The following TJP1 variants were observed in gnomAD, a reference collection of about 807,000 sequenced individuals.
TJP1 encodes tight junction protein ZO-1.
Under a neutral mutation model 194.2 loss-of-function variants are expected in TJP1, and 43 were observed. The ratio of observed to expected loss-of-function variants is 0.22; its 90% CI spans 0.17 to 0.29. The LOEUF (loss-of-function observed/expected upper bound fraction) is 0.29, where lower values mean the gene tolerates loss of function less well. Among genes scored for constraint, TJP1 ranks in the 10% least tolerant of loss-of-function variants. The pLI is 1.00. For missense variants in TJP1, 1,971 were observed against 2,185.7 expected (o/e 0.90, Z 1.96); for synonymous variants, 801 against 779.0 (o/e 1.03, Z -0.47).
At chr15:29,758,837 A>C (rs954251724) in intron 8 of TJP1, 1 of 152,212 alleles carries the variant, frequency 6.6e-6, no homozygotes, top group Non-Finnish European at 1.5e-5. Flanking sequence ...TACACGTAAC[A>C]TGCCATAATA....
intron 8 of TJP1, among the ~76,000 whole-genome samples, chr15:29,746,789 T>TA (rs945369931): frequency 2.6e-5 from 4 of 152,096 alleles, no homozygotes; most frequent in African/African-American, 4.8e-5. Context: ...CCTGAAGGAA[T>TA]AAAAAATAAG....
chr15:29,950,057 T>A (rs201584857), intron 2 of TJP1, among the ~76,000 whole-genome samples: 42 of 12,352 alleles, frequency 3.4e-3, no homozygotes, highest in Non-Finnish European at 4.4e-3. Flanking sequence ...CACCACCACC[T>A]CCACCACCAC....
intron 2 of TJP1, 162 bp downstream of exon 2, chr15:29,800,484 T>C: frequency 4.6e-6 from 3 of 646,946 alleles, no homozygotes; most frequent in South Asian, 4.0e-5. Context: ...TGCTCACTTT[T>C]GACCTTAATA....
chr15:29,815,669 A>G (rs2049860556), intron 1 of TJP1, among the ~76,000 whole-genome samples: 1 of 152,226 alleles, frequency 6.6e-6, no homozygotes, highest in Admixed American at 6.5e-5. Flanking sequence ...GTGAATTTTT[A>G]TCATATCAGG....
chr15:29,910,609 T>C (rs2053981711), intron 2 of TJP1, among the ~76,000 whole-genome samples: 1 of 152,260 alleles, frequency 6.6e-6, no homozygotes, highest in Admixed American at 6.5e-5. Context: ...AAGTTGAAAG[T>C]AATTATATTT....
upstream of TJP1, among the ~76,000 whole-genome samples, chr15:29,825,727 G>A (rs1040837018): frequency 6.6e-6 from 1 of 152,146 alleles, no homozygotes; most frequent in Non-Finnish European, 1.5e-5. Context: ...AGACAATCTC[G>A]ATAATGTCAG....
intron 26 of TJP1, among the ~76,000 whole-genome samples, chr15:29,705,113 G>A (rs2150989718): frequency 6.6e-6 from 1 of 152,332 alleles, no homozygotes; most frequent in East Asian, 1.9e-4. Flanking sequence ...CTGGGGTGAT[G>A]AATAAGACAG....
intron 2 of TJP1, among the ~76,000 whole-genome samples, chr15:29,916,045 G>C (rs2054173140): frequency 6.6e-6 from 1 of 151,942 alleles, no homozygotes; most frequent in Non-Finnish European, 1.5e-5. Flanking sequence ...AGGATTTTCA[G>C]ACCAGCCTGG....
At chr15:29,760,246 A>G in intron 8 of TJP1, 1 of 702,362 alleles carries the variant, frequency 1.4e-6, no homozygotes, top group Non-Finnish European at 2.6e-6. Context: ...GTATGTGCAC[A>G]TGCACATTTT....
At chr15:29,964,515 G>A (rs567594088) in intron 1 of TJP1, among the ~76,000 whole-genome samples, 4 of 152,256 alleles carry the variant, frequency 2.6e-5, no homozygotes, top group African/African-American at 7.2e-5. Context: ...AAGAATGTTC[G>A]AAAGAGGCAA....
intron 1 of TJP1, among the ~76,000 whole-genome samples, chr15:29,818,456 TTC>T (rs2050087574): frequency 6.6e-6 from 1 of 152,234 alleles, no homozygotes; most frequent in Non-Finnish European, 1.5e-5. Flanking sequence ...GTAAACAAAA[TTC>T]TGACTGCGAA....
chr15:29,710,002 C>T (rs1389308328), intron 24 of TJP1, among the ~76,000 whole-genome samples: 4 of 151,918 alleles, frequency 2.6e-5, no homozygotes, highest in African/African-American at 9.7e-5. Context: ...AAAAATTAGC[C>T]GGGCGTGGTG....
At chr15:29,898,112 C>T (rs944683319) in intron 2 of TJP1, among the ~76,000 whole-genome samples, 2 of 152,118 alleles carry the variant, frequency 1.3e-5, no homozygotes, top group African/African-American at 2.4e-5. Context: ...AATCTTATCT[C>T]GAATTCTAAC....
chr15:29,907,893 T>C (rs1053282270), intron 2 of TJP1, among the ~76,000 whole-genome samples: 3 of 151,826 alleles, frequency 2.0e-5, no homozygotes, highest in Admixed American at 2.0e-4. Context: ...CTCAGAATTT[T>C]CAACCACAAG....
intron 8 of TJP1, among the ~76,000 whole-genome samples, chr15:29,746,979 T>C (rs138326919): frequency 4.0e-5 from 6 of 151,816 alleles, no homozygotes; most frequent in African/African-American, 1.2e-4. Context: ...TTGGAAAAGA[T>C]TGGCCGGTTA....
intron 10 of TJP1, among the ~76,000 whole-genome samples, chr15:29,739,072 A>G (rs1248379523): frequency 3.3e-5 from 5 of 151,926 alleles, no homozygotes; most frequent in African/African-American, 1.2e-4. Flanking sequence ...AAAAACAAAA[A>G]CAAAAGATAG....
intron 27 of TJP1, among the ~76,000 whole-genome samples, chr15:29,703,487 A>T (rs1319735552): frequency 6.6e-6 from 1 of 152,148 alleles, no homozygotes; most frequent in Non-Finnish European, 1.5e-5. Context: ...AACAATAGTA[A>T]CCAAAAATAG....
At chr15:29,874,448 C>T (rs1465677843) in intron 2 of TJP1, among the ~76,000 whole-genome samples, 1 of 152,096 alleles carries the variant, frequency 6.6e-6, no homozygotes, top group African/African-American at 2.4e-5. Flanking sequence ...TTGGGGCTGG[C>T]ATCATCAACC....
intron 2 of TJP1, among the ~76,000 whole-genome samples, chr15:29,787,310 A>T (rs1348641300): frequency 6.6e-6 from 1 of 152,214 alleles, no homozygotes; most frequent in Non-Finnish European, 1.5e-5. Flanking sequence ...AAAGAACCAT[A>T]GGTCTAAGTA....
Sources: gnomAD v4.1 joint callset for allele counts (sites outside exome capture counted in the v4.1 genomes callset) on GRCh38, gnomAD v4.1.1 for gene constraint, MANE v1.5 for transcripts, NCBI Gene and HGNC (gene_info 2026-07-23, HGNC 2026-07-21) for gene names.